The following PCDH15 variants were observed in gnomAD, a reference collection of about 807,000 sequenced individuals.
PCDH15 encodes protocadherin related 15.
A neutral mutation model predicts 178.5 loss-of-function variants in PCDH15; 129 were observed. The ratio of observed to expected loss-of-function variants is 0.72; its 90% CI spans 0.63 to 0.84. The LOEUF is 0.84. Ranked by LOEUF, PCDH15 falls within the 40% of genes least tolerant of loss-of-function variation. PCDH15 has a pLI of 0.00. For synonymous variants in PCDH15, 800 were observed against 732.0 expected, an observed-to-expected ratio of 1.09 and a Z score of -1.50; for missense variants, 2,230 against 2,099.9, an observed-to-expected ratio of 1.06 and a Z score of -1.21.
intron 2 of PCDH15, among the ~76,000 whole-genome samples, chr10:55,510,757 G>A (rs939100231): frequency 6.6e-6 from 1 of 151,150 alleles, no homozygotes; most frequent in African/African-American, 2.4e-5. Flanking sequence ...CACTGATTTA[G>A]GTTTTTGATT....
At chr10:54,510,371 G>A (rs1008541534) in intron 3 of PCDH15, among the ~76,000 whole-genome samples, 5 of 152,120 alleles carry the variant, frequency 3.3e-5, no homozygotes, top group East Asian at 1.9e-4. Flanking sequence ...TTGGAGCATC[G>A]GTGACAGGGA....
At chr10:54,980,254 T>C (rs1259512102) in intron 2 of PCDH15, among the ~76,000 whole-genome samples, 1 of 152,296 alleles carries the variant, frequency 6.6e-6, no homozygotes, top group African/African-American at 2.4e-5. Flanking sequence ...ATTAATGTGC[T>C]CACAAAGCCA....
intron 8 of PCDH15, among the ~76,000 whole-genome samples, chr10:54,288,767 C>T (rs1187761062): frequency 6.6e-6 from 1 of 152,222 alleles, no homozygotes; most frequent in African/African-American, 2.4e-5. Context: ...ACTGCTAGTG[C>T]AGCAGTCTGA....
chr10:54,130,922 A>C (rs1245023466), intron 15 of PCDH15, among the ~76,000 whole-genome samples: 6 of 152,170 alleles, frequency 3.9e-5, no homozygotes, highest in African/African-American at 7.2e-5. Flanking sequence ...GTTGATCATG[A>C]ACAAAAGTGG....
rs1384457395 is a variant in PCDH15, at chr10:53,888,337, T to TAC, written c.3501+14905_3501+14906insGT. Among the ~76,000 whole-genome samples, 87 of 72,990 alleles carry TAC rather than the reference T, an allele frequency of 1.2e-3. No individual in the cohort carries two copies. In the East Asian group the frequency reaches 0.032, roughly 26 times the overall value. 47.9% of individuals were successfully genotyped at this position (72,990 alleles called of 152,430 possible). On this transcript the variant is annotated intron_variant, in intron 26 of 37. Transcript: ENST00000644397. Reference sequence around the variant, plus strand: ...ATATATGTACGTATATATATGTACGTATATATATATACGTATATATACATA... The same window carrying TAC: ...ATATATGTACGTATATATATGTACGTACATATATATATACGTATATATACATA...
intron 1 of PCDH15, among the ~76,000 whole-genome samples, chr10:55,279,190 T>G (rs1252992476): frequency 6.6e-6 from 1 of 152,120 alleles, no homozygotes; most frequent in Non-Finnish European, 1.5e-5. Context: ...CAAAAAGAAC[T>G]GCAACTTATA....
chr10:54,396,016 T>C (rs551990725), intron 3 of PCDH15, among the ~76,000 whole-genome samples: 1 of 152,094 alleles, frequency 6.6e-6, no homozygotes, highest in Non-Finnish European at 1.5e-5. Context: ...TGAAGGCAAT[T>C]AAGAAGCAGA....
chr10:54,416,872 T>C (rs976346145), intron 3 of PCDH15, among the ~76,000 whole-genome samples: 3 of 152,160 alleles, frequency 2.0e-5, no homozygotes, highest in Non-Finnish European at 4.4e-5. Context: ...TCTCTAATGA[T>C]CCCTGATGTT....
intron 2 of PCDH15, among the ~76,000 whole-genome samples, chr10:55,597,598 C>A (rs1335970890): frequency 6.6e-6 from 1 of 152,114 alleles, no homozygotes; most frequent in Non-Finnish European, 1.5e-5. Context: ...ATACTTCAAG[C>A]ATCCCTCTCT....
At chr10:55,180,091 T>G (rs1839599663) in intron 1 of PCDH15, among the ~76,000 whole-genome samples, 1 of 151,940 alleles carries the variant, frequency 6.6e-6, no homozygotes, top group African/African-American at 2.4e-5. Flanking sequence ...CTGAGAAGAT[T>G]CAGGGAAGGA....
chr10:55,611,019 G>A (rs1288640018), intron 2 of PCDH15, among the ~76,000 whole-genome samples: 1 of 152,112 alleles, frequency 6.6e-6, no homozygotes, highest in Non-Finnish European at 1.5e-5. Context: ...AAATATTTGA[G>A]ATCATTTCAG....
chr10:55,289,145 C>A (rs1842947625), intron 1 of PCDH15, among the ~76,000 whole-genome samples: 1 of 151,942 alleles, frequency 6.6e-6, no homozygotes. Flanking sequence ...TTCTTTTCTA[C>A]AGGAGAGAAG....
Position 54,378,982 on chromosome 10 carries a change from C to T in PCDH15, c.158-40G>A, listed in dbSNP as rs200606435. 134 of 1,607,862 alleles carry T rather than the reference C, an allele frequency of 8.3e-5. 2 individuals are homozygous for T. In the East Asian group the frequency reaches 2.2e-3, roughly 27 times the overall value. Reference sequence around the variant, plus strand: ...AAGGTACTTGAAAACATATTCTACTCATATGAATTCTTTAGCAAAGATCAT... The same window carrying T: ...AAGGTACTTGAAAACATATTCTACTTATATGAATTCTTTAGCAAAGATCAT... On this transcript the variant is annotated intron_variant, in intron 3 of 37. Coordinates refer to ENST00000644397, the MANE Select transcript of PCDH15 (RefSeq NM_001384140.1).
At position 53,838,528 on chromosome 10, in the gene PCDH15, C is replaced by T. The variant is rs866650761; in HGVS notation, c.3983+1792G>A. Among the ~76,000 whole-genome samples, 10 of 151,514 alleles carry T rather than the reference C, an allele frequency of 6.6e-5. No homozygotes were observed. The South Asian group carries it at 1.7e-3, about 26-fold the overall frequency. On this transcript the variant is annotated intron_variant, in intron 29 of 37. Coordinates refer to ENST00000644397, the MANE Select transcript of PCDH15 (RefSeq NM_001384140.1). ...TCAAATTCTAATCACCATTATTTTACTCTTTAAAGTTAGCCCAAATATAAT... is the reference window on the plus strand; with the variant it reads ...TCAAATTCTAATCACCATTATTTTATTCTTTAAAGTTAGCCCAAATATAAT...
At chr10:54,258,462 A>ATCAAGTGATTG (rs2057078770) in intron 8 of PCDH15, among the ~76,000 whole-genome samples, 1 of 152,160 alleles carries the variant, frequency 6.6e-6, no homozygotes, top group South Asian at 2.1e-4. Context: ...GATTGCTTCG[A>ATCAAGTGATTG]CTGGAGAAAA....
intron 2 of PCDH15, among the ~76,000 whole-genome samples, chr10:55,404,726 TA>T (rs1838157189): frequency 1.3e-5 from 2 of 151,932 alleles, no homozygotes; most frequent in African/African-American, 4.8e-5. Context: ...TTTGAATGTA[TA>T]AAAATATAGA....
intron 3 of PCDH15, among the ~76,000 whole-genome samples, chr10:54,515,119 C>T (rs772935789): frequency 6.6e-6 from 1 of 152,190 alleles, no homozygotes; most frequent in Admixed American, 6.5e-5. Context: ...GAGTGCCAGA[C>T]AGTGGGTGCA....
At chr10:53,940,219 T>G (rs1165427618) in intron 24 of PCDH15, among the ~76,000 whole-genome samples, 1 of 152,156 alleles carries the variant, frequency 6.6e-6, no homozygotes, top group African/African-American at 2.4e-5. Flanking sequence ...AGAGGAGAAC[T>G]TGTGGAGAAC....
intron 1 of PCDH15, among the ~76,000 whole-genome samples, chr10:55,218,100 T>C (rs1423250002): frequency 6.6e-6 from 1 of 152,014 alleles, no homozygotes; most frequent in Non-Finnish European, 1.5e-5. Context: ...GTATTCAGTA[T>C]TTCTAGTCCT....
Sources: gnomAD v4.1 joint callset for allele counts (sites outside exome capture counted in the v4.1 genomes callset) on GRCh38, gnomAD v4.1.1 for gene constraint, MANE v1.5 for transcripts, NCBI Gene and HGNC (gene_info 2026-07-23, HGNC 2026-07-21) for gene names.